Variants in HBS1L observed in about 807,000 individuals in gnomAD.
HBS1L encodes the protein HBS1 like translational GTPase.
A neutral mutation model predicts 88.9 loss-of-function variants in HBS1L; 55 were observed. That is an observed-to-expected ratio of 0.62 (90% CI 0.50 to 0.77). The LOEUF is 0.77. Ranked by LOEUF, HBS1L falls within the 30% of genes least tolerant of loss-of-function variation. HBS1L has a pLI of 0.00. For missense variants in HBS1L, 741 were observed against 829.3 expected, an observed-to-expected ratio of 0.89 and a Z score of 1.31; for synonymous variants, 267 against 288.5, an observed-to-expected ratio of 0.93 and a Z score of 0.76.
At chr6:134,998,081 G>A (rs1220059155) in intron 5 of HBS1L, among the ~76,000 whole-genome samples, 1 of 152,114 alleles carries the variant, frequency 6.6e-6, no homozygotes, top group African/African-American at 2.4e-5. Flanking sequence ...ATAGACTTAT[G>A]ATCTTTTTTA....
At chr6:134,967,627 A>G (rs1774352953) in intron 16 of HBS1L, among the ~76,000 whole-genome samples, 1 of 152,194 alleles carries the variant, frequency 6.6e-6, no homozygotes, top group African/African-American at 2.4e-5. Context: ...TTGTAGCAGG[A>G]GCATGGAGGG....
Position 134,998,891 on chromosome 6 carries a change from C to T in HBS1L, c.540-1235G>A, listed in dbSNP as rs148203858. On this transcript the variant is annotated intron_variant, in intron 5 of 17. Coordinates refer to ENST00000367837, the MANE Select transcript of HBS1L (RefSeq NM_006620.4). ...CACTGCTTAGACAGATGCACTTCATCTTAAACTAGTAGGTAAAAACAGTAA... is the reference window on the plus strand; with the variant it reads ...CACTGCTTAGACAGATGCACTTCATTTTAAACTAGTAGGTAAAAACAGTAA... Among the ~76,000 whole-genome samples, 759 of 152,308 alleles carry T rather than the reference C, an allele frequency of 5.0e-3. 4 individuals are homozygous for T. The highest frequency in any genetic ancestry group is 0.017 in the African/African-American group (717 of 41,570).
At chr6:135,028,264 T>TA (rs35511460) in intron 4 of HBS1L, among the ~76,000 whole-genome samples, 58,199 of 125,396 alleles carry the variant, frequency 0.46, 12,373 homozygotes, top group African/African-American at 0.6. Flanking sequence ...TGCAAGGTAA[T>TA]AAAAAAAAAA....
intron 5 of HBS1L, among the ~76,000 whole-genome samples, chr6:134,998,026 T>A (rs1407768874): frequency 6.6e-6 from 1 of 152,228 alleles, no homozygotes; most frequent in East Asian, 1.9e-4. Flanking sequence ...TGGAGATGAA[T>A]TAGTACTAAA....
At chr6:134,972,042 AT>A (rs1774504680) in intron 15 of HBS1L, among the ~76,000 whole-genome samples, 1 of 152,168 alleles carries the variant, frequency 6.6e-6, no homozygotes, top group Admixed American at 6.5e-5. Context: ...TAATATTTTG[AT>A]TTTAGAGTGT....
At chr6:135,045,497 T>C (rs968387354) in intron 2 of HBS1L, among the ~76,000 whole-genome samples, 91 of 152,230 alleles carry the variant, frequency 6.0e-4, no homozygotes, top group African/African-American at 2.0e-3. Flanking sequence ...CCCCGGGAGA[T>C]TATGACTCAG....
chr6:134,993,685 A>G (rs1017196083), intron 8 of HBS1L, 73 bp downstream of exon 8: 1 of 586,258 alleles, frequency 1.7e-6, no homozygotes, highest in African/African-American at 1.9e-5. Context: ...AAATCCTAGA[A>G]TTGTAACCTC....
intron 15 of HBS1L, among the ~76,000 whole-genome samples, chr6:134,973,686 G>A (rs987860314): frequency 2.0e-5 from 3 of 152,088 alleles, no homozygotes; most frequent in East Asian, 1.9e-4. Flanking sequence ...GCGTGGTAGT[G>A]CACACCTGTA....
chr6:135,008,836 A>G (rs1051292986), intron 4 of HBS1L, among the ~76,000 whole-genome samples: 5 of 152,078 alleles, frequency 3.3e-5, no homozygotes, highest in Non-Finnish European at 5.9e-5. Flanking sequence ...TTACACGTTC[A>G]CGCAGTCCAC....
intron 7 of HBS1L, among the ~76,000 whole-genome samples, chr6:134,995,721 T>G (rs1184728287): frequency 6.6e-6 from 1 of 152,020 alleles, no homozygotes; most frequent in African/African-American, 2.4e-5. Flanking sequence ...AGGCTTCTAC[T>G]ATTGCATCAT....
intron 4 of HBS1L, among the ~76,000 whole-genome samples, chr6:135,005,400 C>T (rs535315807): frequency 2.6e-5 from 4 of 152,292 alleles, no homozygotes; most frequent in South Asian, 4.1e-4. Context: ...AGGGCAGAAA[C>T]GGCAATGTGT....
chr6:134,985,314 A>C, intron 12 of HBS1L, 27 bp downstream of exon 12: 5 of 1,497,204 alleles, frequency 3.3e-6, no homozygotes, highest in Non-Finnish European at 4.6e-6. Flanking sequence ...GGCTATACTG[A>C]AGAAGCACTA....
chr6:135,024,990 C>T (rs1776185873), intron 4 of HBS1L, among the ~76,000 whole-genome samples: 1 of 152,144 alleles, frequency 6.6e-6, no homozygotes, highest in African/African-American at 2.4e-5. Context: ...ACAAGGCCTG[C>T]TGTATCACAT....
intron 4 of HBS1L, chr6:135,037,757 C>T: frequency 6.4e-7 from 1 of 1,550,832 alleles, no homozygotes; most frequent in South Asian, 1.2e-5. Flanking sequence ...TCACAGGAAT[C>T]TCTTGACATA....
chr6:134,991,716 T>A (rs184366709), intron 8 of HBS1L, among the ~76,000 whole-genome samples: 76 of 152,254 alleles, frequency 5.0e-4, no homozygotes, highest in Non-Finnish European at 9.3e-4. Flanking sequence ...ATTCTTATCT[T>A]CAAATATATT....
chr6:135,002,852 G>A lies in HBS1L; in HGVS notation c.431-10C>T. 1 of 1,570,268 alleles carries A rather than the reference G, an allele frequency of 6.4e-7. No individual in the cohort carries two copies. The highest frequency in any genetic ancestry group is 8.8e-7 in the Non-Finnish European group (1 of 1,141,280). On this transcript the variant is annotated splice_polypyrimidine_tract_variant and intron_variant, in intron 4 of 17. Transcript: ENST00000367837. ...GAATCTACTGGTTTTCCTAGTTAAG[G>A]AGTAAAATATAAAAGGCCAATTAAT... is the stretch of plus-strand genomic sequence containing the variant.
intron 4 of HBS1L, among the ~76,000 whole-genome samples, 182 bp downstream of exon 4, chr6:135,039,391 A>C (rs1310413916): frequency 6.6e-6 from 1 of 152,142 alleles, no homozygotes; most frequent in Non-Finnish European, 1.5e-5. Flanking sequence ...CAACAGAAGA[A>C]ACACAGTCAT....
At chr6:135,038,414 T>C (rs1257192814) in intron 4 of HBS1L, among the ~76,000 whole-genome samples, 4 of 152,312 alleles carry the variant, frequency 2.6e-5, no homozygotes, top group South Asian at 2.1e-4. Flanking sequence ...TGTATTTTAA[T>C]GTATTAGAAA....
intron 4 of HBS1L, among the ~76,000 whole-genome samples, chr6:135,023,913 AC>A (rs1315701953): frequency 2.0e-5 from 3 of 152,182 alleles, no homozygotes; most frequent in African/African-American, 7.2e-5. Context: ...TATACATGAT[AC>A]TTTTTCCAGA....
Sources: gnomAD v4.1 joint callset for allele counts (sites outside exome capture counted in the v4.1 genomes callset) on GRCh38, gnomAD v4.1.1 for gene constraint, MANE v1.5 for transcripts, NCBI Gene and HGNC (gene_info 2026-07-23, HGNC 2026-07-21) for gene names.